Variants in SERPINA1 observed in about 807,000 individuals in gnomAD.
SERPINA1 encodes alpha-1-antitrypsin.
A neutral mutation model predicts 25.4 loss-of-function variants in SERPINA1; 21 were observed. The ratio of observed to expected loss-of-function variants is 0.83; its 90% confidence interval spans 0.59 to 1.19. The LOEUF (loss-of-function observed/expected upper bound fraction) is 1.19. SERPINA1 is among the 50% of genes most tolerant of loss of function. The pLI is 0.00. For synonymous variants in SERPINA1, 218 were observed against 211.1 expected (o/e 1.03, Z -0.29); for missense variants, 546 against 509.0 (o/e 1.07, Z -0.70).
intron 1 of SERPINA1, among the ~76,000 whole-genome samples, chr14:94,384,939 C>T (rs2139705456): frequency 6.6e-6 from 1 of 152,342 alleles, no homozygotes; most frequent in South Asian, 2.1e-4. Context: ...ACAGACCACA[C>T]ATTACATAAT....
Position 94,378,602 on chromosome 14 carries a change from C to T in SERPINA1, c.1104G>A (p.Gly368=), listed in dbSNP as rs1378794678. 3 of 1,614,184 alleles carry T rather than the reference C, an allele frequency of 1.9e-6. No homozygotes were observed. The highest frequency in any genetic ancestry group is 2.2e-5 in the South Asian group (2 of 91,084). Residue 368 remains glycine, a synonymous_variant, in exon 5 of 5, where the codon GGG becomes GGA. Coordinates refer to ENST00000393087, the MANE Select transcript of SERPINA1 (RefSeq NM_000295.5). The part of the protein sequence containing the change: ...HKAVLTIDEK[G]TEAAGAMFLE... ...AAAACATGGCCCCAGCAGCTTCAGT[C>T]CCTTTCTCGTCGATGGTCAGCACAG... is the stretch of plus-strand genomic sequence containing the variant.
chr14:94,380,367 A>G (rs1896803979), intron 3 of SERPINA1, among the ~76,000 whole-genome samples: 1 of 152,272 alleles, frequency 6.6e-6, no homozygotes, highest in Non-Finnish European at 1.5e-5. Flanking sequence ...CAGCACCGAT[A>G]AAGTGACAGA....
intron 2 of SERPINA1, among the ~76,000 whole-genome samples, chr14:94,381,530 T>C (rs1896916256): frequency 6.6e-6 from 1 of 152,208 alleles, no homozygotes; most frequent in African/African-American, 2.4e-5. Flanking sequence ...CCCTTGTTAA[T>C]TGGCAGCTCA....
intron 2 of SERPINA1, among the ~76,000 whole-genome samples, chr14:94,382,079 A>C (rs1896966586): frequency 6.6e-6 from 1 of 152,226 alleles, no homozygotes; most frequent in African/African-American, 2.4e-5. Context: ...TAATCCTAAA[A>C]AAACCTGACA....
At chr14:94,386,298 G>A (rs929557811) in intron 1 of SERPINA1, among the ~76,000 whole-genome samples, 15 of 152,268 alleles carry the variant, frequency 9.9e-5, no homozygotes, top group African/African-American at 2.6e-4. Context: ...CACTCTTTGC[G>A]GGGCCAGGGA....
At position 94,380,909 on chromosome 14, in the gene SERPINA1, G is replaced by T. The variant is rs141095970; in HGVS notation, c.879C>A (p.His293Gln). 138 of 1,614,222 alleles carry T rather than the reference G, an allele frequency of 8.5e-5. 1 individual carries two copies. The African/African-American group carries it at 1.7e-3, about 20-fold the overall frequency. Residue 293 changes from histidine (H) to glutamine (Q), a missense_variant, in exon 3 of 5, where the codon CAC (histidine) becomes CAA (glutamine). Coordinates refer to ENST00000393087, the MANE Select transcript of SERPINA1 (RefSeq NM_000295.5). The stretch of plus-strand genomic sequence containing the variant: ...TTTCCAGGAACTTGGTGATGATATC[G>T]TGGGTGAGTTCATTTTCCAGGTGCT... ...KLQHLENELT[H>Q]DIITKFLENE...
intron 1 of SERPINA1, among the ~76,000 whole-genome samples, chr14:94,387,970 C>G (rs141323527): frequency 6.6e-6 from 1 of 152,096 alleles, no homozygotes; most frequent in Non-Finnish European, 1.5e-5. Flanking sequence ...CAGAGGTCCA[C>G]GGTGCATGGG....
At chr14:94,380,046 C>A (rs889884225) in intron 3 of SERPINA1, among the ~76,000 whole-genome samples, 1 of 152,168 alleles carries the variant, frequency 6.6e-6, no homozygotes, top group African/African-American at 2.4e-5. Flanking sequence ...CATGGGGAGA[C>A]AATGCCACCC....
intron 3 of SERPINA1, among the ~76,000 whole-genome samples, chr14:94,379,885 TG>T (rs1296009960): frequency 6.6e-6 from 1 of 152,280 alleles, no homozygotes; most frequent in Non-Finnish European, 1.5e-5. Flanking sequence ...CATCTTGCCC[TG>T]TAGTGTTGGG....
chr14:94,381,388 C>G (rs1896905439), intron 2 of SERPINA1, among the ~76,000 whole-genome samples: 1 of 152,164 alleles, frequency 6.6e-6, no homozygotes, highest in Non-Finnish European at 1.5e-5. Flanking sequence ...GTGGCGATGT[C>G]AGGCTAAGAG....
rs762668988 is a variant in SERPINA1, at chr14:94,388,560, G to C, written c.-5C>G. 6.6e-6 allele frequency: 1 copy of C among 152,292 alleles called. No individual in the cohort carries two copies. The highest frequency in any genetic ancestry group is 2.4e-5 in the African/African-American group (1 of 41,418). 9.4% of individuals were successfully genotyped at this position (152,292 alleles called of 1,614,324 possible). A position where few individuals can be genotyped will look rare whatever the true frequency, so the allele number is the denominator to read the frequency against. On this transcript the variant is annotated splice_region_variant and 5_prime_UTR_variant, in exon 1 of 5. It adds an upstream start codon to the 5' untranslated region. Transcript: ENST00000393087. ...CTCTCGCAGTGAAAGGCATACTTAC[G>C]ATTCACTGTCCCAGGTCAGTGGTGG...
intron 2 of SERPINA1, among the ~76,000 whole-genome samples, chr14:94,381,533 G>A (rs1896916440): frequency 6.6e-6 from 1 of 152,188 alleles, no homozygotes; most frequent in African/African-American, 2.4e-5. Flanking sequence ...TTGTTAATTG[G>A]CAGCTCAGTT....
intron 2 of SERPINA1, 133 bp downstream of exon 2, chr14:94,382,459 A>G: frequency 9.7e-7 from 1 of 1,031,896 alleles, no homozygotes; most frequent in Non-Finnish European, 1.5e-6. Context: ...GTGTGTAGAA[A>G]ACTGAAGAAT....
chr14:94,384,454 T>C (rs530839120), intron 1 of SERPINA1, among the ~76,000 whole-genome samples: 18 of 152,124 alleles, frequency 1.2e-4, no homozygotes, highest in African/African-American at 4.1e-4. Flanking sequence ...GCTGAGACAA[T>C]AGGGAGTGGT....
chr14:94,380,767 G>A (rs1330396790), intron 3 of SERPINA1, 104 bp downstream of exon 3: 1 of 1,443,572 alleles, frequency 6.9e-7, no homozygotes, highest in Non-Finnish European at 9.7e-7. Context: ...CAGGGATGTG[G>A]GGTTCACCCT....
chr14:94,382,220 G>C (rs1896976327), intron 2 of SERPINA1, among the ~76,000 whole-genome samples: 3 of 152,208 alleles, frequency 2.0e-5, no homozygotes, highest in Non-Finnish European at 4.4e-5. Flanking sequence ...TTGCAAAACT[G>C]ATACTGATTC....
intron 1 of SERPINA1, among the ~76,000 whole-genome samples, chr14:94,385,422 G>A (rs959215633): frequency 5.3e-5 from 8 of 152,200 alleles, no homozygotes; most frequent in Admixed American, 2.0e-4. Flanking sequence ...TCCACCTCCC[G>A]GGTTCAAGAA....
chr14:94,387,722 C>T (rs1276091410), intron 1 of SERPINA1, among the ~76,000 whole-genome samples: 1 of 152,178 alleles, frequency 6.6e-6, no homozygotes, highest in Non-Finnish European at 1.5e-5. Flanking sequence ...AGCCAGGTGC[C>T]TGAGCCCGAA....
Position 94,382,622 on chromosome 14 carries a change from A to G in SERPINA1, c.616T>C (p.Phe206Leu), listed in dbSNP as rs1022463154. The G allele has an allele frequency of 6.2e-7, 1 of 1,614,118 alleles. No individual in the cohort carries two copies. Among genetic ancestry groups the G allele is most frequent in the African/African-American group, 1.3e-5 (1 of 74,944 alleles). Residue 206 changes from phenylalanine to leucine, a missense_variant, in exon 2 of 5, where the codon TTT becomes CTT. By Grantham distance (22) the Phe-to-Leu change is conservative. Coordinates refer to ENST00000393087, the MANE Select transcript of SERPINA1 (RefSeq NM_000295.5). ...AAGAAGATGTAATTCACCAGAGCAA[A>G]AACTGTGTCTCTGTCAAGCTCCTTG... ...LVKELDRDTV[F>L]ALVNYIFFKG...
Sources: allele counts gnomAD v4.1 joint callset (sites outside exome capture counted in the v4.1 genomes callset), GRCh38; gene constraint gnomAD v4.1.1; transcripts MANE v1.5; gene names NCBI Gene and HGNC (gene_info 2026-07-23, HGNC 2026-07-21).